Variants in NDUFAF6 observed in about 807,000 individuals in gnomAD.
The protein encoded by NDUFAF6 is NADH dehydrogenase (ubiquinone) complex I, assembly factor 6.
Under a neutral mutation model 40.8 loss-of-function variants are expected in NDUFAF6, and 45 were observed. The observed-to-expected ratio is 1.10, with a 90% CI of 0.87 to 1.42. The LOEUF (loss-of-function observed/expected upper bound fraction) is 1.42. NDUFAF6 is among the 40% of genes most tolerant of loss of function. The pLI is 0.00. For synonymous variants in NDUFAF6, 185 were observed against 155.9 expected, an observed-to-expected ratio of 1.19 and a Z score of -1.39; for missense variants, 435 against 418.5, an observed-to-expected ratio of 1.04 and a Z score of -0.34.
At chr8:95,044,260 A>G (rs138579933) in intron 4 of NDUFAF6, among the ~76,000 whole-genome samples, 10 of 152,008 alleles carry the variant, frequency 6.6e-5, no homozygotes, top group Admixed American at 5.9e-4. Flanking sequence ...AATGGATGCA[A>G]CTTTTCTTTT....
Position 95,057,882 on chromosome 8 carries a change from A to G in NDUFAF6, c.947A>G (p.Lys316Arg). The change falls in exon 9 of 9, where the codon AAG (lysine) becomes AGG (arginine). Residue 316 changes from lysine (K) to arginine (R), a missense_variant. Coordinates refer to ENST00000396124, the MANE Select transcript of NDUFAF6 (RefSeq NM_152416.4). ...ATATTCCACCCATCTTTACAGCAGAAGAATACATTACTTCCATTATATTTG... is the reference window on the plus strand; with the variant it reads ...ATATTCCACCCATCTTTACAGCAGAGGAATACATTACTTCCATTATATTTG... ...FDIFHPSLQQ[K>R]NTLLPLYLYI... 1 of 1,591,420 alleles carries G rather than the reference A, an allele frequency of 6.3e-7. No homozygotes were observed. Among genetic ancestry groups the G allele is most frequent in the Non-Finnish European group, 8.6e-7 (1 of 1,159,708 alleles).
At chr8:94,943,144 T>C (rs1469824929) in intron 1 of NDUFAF6, among the ~76,000 whole-genome samples, 1 of 152,130 alleles carries the variant, frequency 6.6e-6, no homozygotes, top group East Asian at 1.9e-4. Flanking sequence ...TGGTCTCAGC[T>C]AGGGGCATAG....
In NDUFAF6 at chr8:95,112,052, G is replaced by T. The variant is rs532456759; in HGVS notation, n.345-3484G>T. Among the ~76,000 whole-genome samples the T allele has an allele frequency of 3.9e-5, 6 of 152,130 alleles. No individual in the cohort carries two copies. In the South Asian group the frequency reaches 1.2e-3, roughly 32 times the overall value. On this transcript the variant is annotated intron_variant and non_coding_transcript_variant, in intron 4 of 5. Coordinates refer to the NDUFAF6 transcript ENST00000523184. ...AGAAACCCATGCTTCCAACTATGGC[G>T]GACAGAATAATGGCCCCTCAAAGAT...
intron 1 of NDUFAF6, among the ~76,000 whole-genome samples, chr8:94,972,786 G>A (rs1290730000): frequency 2.0e-5 from 3 of 150,476 alleles, no homozygotes; most frequent in African/African-American, 4.9e-5. Flanking sequence ...TGTAGTCCCA[G>A]CTACTCGGGA....
At chr8:94,985,521 T>A (rs1201203086) in intron 2 of NDUFAF6, among the ~76,000 whole-genome samples, 80 of 30,110 alleles carry the variant, frequency 2.7e-3, no homozygotes, top group Non-Finnish European at 4.0e-3. Flanking sequence ...ATATATTTTT[T>A]TTTTTTTTTT....
At chr8:94,940,771 G>A (rs1177533325) in intron 1 of NDUFAF6, 1 of 1,298,412 alleles carries the variant, frequency 7.7e-7, no homozygotes, top group Non-Finnish European at 1.1e-6. Context: ...CAAAAACTGA[G>A]ATGCAAGTTT....
At chr8:95,108,813 A>C (rs1052854083) in intron 4 of NDUFAF6, among the ~76,000 whole-genome samples, 7 of 152,182 alleles carry the variant, frequency 4.6e-5, no homozygotes, top group African/African-American at 1.7e-4. Context: ...GTAGAATTAC[A>C]ATTTTATCTA....
intron 7 of NDUFAF6, among the ~76,000 whole-genome samples, chr8:95,050,537 G>A (rs544688899): frequency 2.6e-5 from 4 of 152,276 alleles, no homozygotes; most frequent in South Asian, 4.1e-4. Flanking sequence ...GATCATTTTA[G>A]CACCCAGCTT....
Position 94,913,397 on chromosome 8 carries a change from T to C in NDUFAF6, c.-936+17470T>C, listed in dbSNP as rs964818642. On this transcript the variant is annotated intron_variant, in intron 1 of 14. Transcript: ENST00000396113. The stretch of plus-strand genomic sequence containing the variant: ...AATGTACATGGCTCAAAGCCCACCA[T>C]TGACTGATCACACATTTTCACCATA... Among the ~76,000 whole-genome samples, 20 of 152,350 alleles carry C rather than the reference T, an allele frequency of 1.3e-4. No homozygotes were observed. The South Asian group carries it at 2.5e-3, about 19-fold the overall frequency.
At chr8:95,039,205 A>G (rs973360929) in intron 3 of NDUFAF6, among the ~76,000 whole-genome samples, 2 of 150,726 alleles carry the variant, frequency 1.3e-5, no homozygotes, top group Non-Finnish European at 3.0e-5. Context: ...CTGTAATGCC[A>G]GCACTTTGGG....
At chr8:95,108,195 C>G (rs534999004), downstream of NDUFAF6, among the ~76,000 whole-genome samples, 36 of 152,094 alleles carry the variant, frequency 2.4e-4, no homozygotes, top group Non-Finnish European at 4.9e-4. Flanking sequence ...ACAATTTTAT[C>G]TAGTAATTCC....
intron 2 of NDUFAF6, chr8:94,983,919 A>T (rs1563769324): frequency 6.6e-6 from 1 of 152,010 alleles, no homozygotes; most frequent in Non-Finnish European, 1.5e-5. Context: ...TAGGGGAGGG[A>T]CCTAGTTTCT....
intron 8 of NDUFAF6, among the ~76,000 whole-genome samples, chr8:95,053,195 A>G (rs1019097247): frequency 5.3e-5 from 8 of 152,226 alleles, no homozygotes; most frequent in African/African-American, 1.7e-4. Context: ...TGCTAATTAT[A>G]AAAGTAGTAC....
Position 95,027,158 on chromosome 8 carries a change from C to T in NDUFAF6, c.197+1953C>T, listed in dbSNP as rs142485281. On this transcript the variant is annotated intron_variant, in intron 1 of 8. Coordinates refer to ENST00000396124, the MANE Select transcript of NDUFAF6 (RefSeq NM_152416.4). ...ATTTACAAATGGTCAGTTACTTAAA[C>T]TGTCCATGTTATTTGTGTGGAATGG... Among the ~76,000 whole-genome samples, 454 of 152,292 alleles carry T rather than the reference C, an allele frequency of 3.0e-3. 1 individual carries two copies. The highest frequency in any genetic ancestry group is 9.9e-3 in the African/African-American group (410 of 41,554).
At chr8:95,105,826 G>A (rs150894470), downstream of NDUFAF6, among the ~76,000 whole-genome samples, 6,870 of 151,972 alleles carry the variant, frequency 0.045, 474 homozygotes, top group African/African-American at 0.15. Context: ...TGTAGAGATG[G>A]AGTTTTGCTA....
intron 1 of NDUFAF6, among the ~76,000 whole-genome samples, chr8:94,935,654 T>C (rs552696118): frequency 7.4e-4 from 112 of 152,302 alleles, no homozygotes; most frequent in African/African-American, 2.6e-3. Flanking sequence ...TGAAGATAAA[T>C]TCCTGGGACT....
chr8:94,929,401 TTACAA>T (rs1441925812), intron 1 of NDUFAF6: 2 of 151,628 alleles, frequency 1.3e-5, no homozygotes, highest in South Asian at 2.1e-4. Flanking sequence ...GGAAGAATAC[TTACAA>T]TACAAGGCAA....
At chr8:94,993,542 G>C (rs979582229) in intron 2 of NDUFAF6, among the ~76,000 whole-genome samples, 1 of 152,198 alleles carries the variant, frequency 6.6e-6, no homozygotes, top group Non-Finnish European at 1.5e-5. Context: ...ACACTGCCCT[G>C]AGACCACCAT....
At chr8:95,105,064 CACAG>C (rs1386511963), downstream of NDUFAF6, among the ~76,000 whole-genome samples, 45 of 105,802 alleles carry the variant, frequency 4.3e-4, no homozygotes, top group South Asian at 6.9e-4. Context: ...CACACACACA[CACAG>C]AGAGAGAGAG....
Sources: allele counts gnomAD v4.1 joint callset (sites outside exome capture counted in the v4.1 genomes callset), GRCh38; gene constraint gnomAD v4.1.1; transcripts MANE v1.5; gene names NCBI Gene and HGNC (gene_info 2026-07-23, HGNC 2026-07-21).